The following SORCS2 variants were observed in gnomAD, a reference collection of about 807,000 sequenced individuals.
SORCS2 encodes sortilin related VPS10 domain containing receptor 2, also known as VPS10 domain-containing receptor SorCS2.
Under a neutral mutation model 141.6 loss-of-function variants are expected in SORCS2, and 100 were observed. The ratio of observed to expected loss-of-function variants is 0.71; its 90% CI spans 0.60 to 0.83. SORCS2 has a LOEUF of 0.83. Ranked by LOEUF, SORCS2 falls within the 40% of genes least tolerant of loss-of-function variation. SORCS2 has a pLI of 0.00. For synonymous variants in SORCS2, 789 were observed against 676.9 expected (o/e 1.17, Z -2.57); for missense variants, 1,646 against 1,560.2 (o/e 1.05, Z -0.93).
intron 8 of SORCS2, among the ~76,000 whole-genome samples, chr4:7,669,742 C>T (rs947110120): frequency 5.3e-5 from 8 of 152,212 alleles, no homozygotes; most frequent in African/African-American, 2.4e-5. Context: ...AATGTCTTCT[C>T]CCCCAGTTCT....
intron 2 of SORCS2, among the ~76,000 whole-genome samples, chr4:7,530,225 C>A (rs1420130610): frequency 6.6e-6 from 1 of 152,236 alleles, no homozygotes; most frequent in African/African-American, 2.4e-5. Context: ...CCAGGCCTGT[C>A]CCCTCGGCCC....
chr4:7,729,894 C>T (rs779815347), intron 23 of SORCS2, among the ~76,000 whole-genome samples, 182 bp downstream of exon 23: 1 of 152,166 alleles, frequency 6.6e-6, no homozygotes, highest in Admixed American at 6.5e-5. Context: ...GGAAGTCACA[C>T]AGCCTCTAAG....
chr4:7,411,426 C>G (rs888377722), intron 2 of SORCS2, among the ~76,000 whole-genome samples: 1 of 152,052 alleles, frequency 6.6e-6, no homozygotes, highest in African/African-American at 2.4e-5. Context: ...TATCCATCCA[C>G]CTATCTGATC....
chr4:7,215,609 G>A (rs903933446), intron 1 of SORCS2, among the ~76,000 whole-genome samples: 8 of 152,218 alleles, frequency 5.3e-5, no homozygotes, highest in South Asian at 4.1e-4. Flanking sequence ...TGGTGGGGAC[G>A]TGGAGAATCT....
intron 3 of SORCS2, among the ~76,000 whole-genome samples, chr4:7,549,299 A>G (rs1293023309): frequency 3.3e-5 from 5 of 152,070 alleles, no homozygotes; most frequent in Non-Finnish European, 7.4e-5. Context: ...CAGCAAGTCT[A>G]TCGATTTGAA....
rs1003234162 is a variant in SORCS2 at position 7,663,687 on chromosome 4, C to T, written c.953-666C>T. Among the ~76,000 whole-genome samples the T allele has an allele frequency of 2.6e-5, 4 of 152,112 alleles. No homozygotes were observed. Among genetic ancestry groups the T allele is most frequent in the Admixed American group, 6.5e-5 (1 of 15,274 alleles). On this transcript the variant is annotated intron_variant, in intron 6 of 26. Coordinates refer to ENST00000507866, the MANE Select transcript of SORCS2 (RefSeq NM_020777.3). The surrounding 1 kb of genome is among the most constrained non-coding windows in gnomAD (Gnocchi z 4.8). Reference sequence around the variant, plus strand: ...TTCCCTTAACCATTCTCCATGCTGCCGGGTCACCCAAGGCTGGGGGCAGGA... The same window carrying T: ...TTCCCTTAACCATTCTCCATGCTGCTGGGTCACCCAAGGCTGGGGGCAGGA...
chr4:7,391,393 GC>G (rs1723855028), intron 1 of SORCS2, among the ~76,000 whole-genome samples: 1 of 152,220 alleles, frequency 6.6e-6, no homozygotes, highest in Non-Finnish European at 1.5e-5. Context: ...TTGAGACGTA[GC>G]CCAGGCCCCT....
At chr4:7,584,814 A>G (rs577553984) in intron 3 of SORCS2, among the ~76,000 whole-genome samples, 2 of 152,354 alleles carry the variant, frequency 1.3e-5, no homozygotes, top group Non-Finnish European at 2.9e-5. Context: ...AAAGTGAAAT[A>G]AATGCTCCCA....
At chr4:7,315,497 A>C (rs1401722402) in intron 1 of SORCS2, among the ~76,000 whole-genome samples, 3 of 151,896 alleles carry the variant, frequency 2.0e-5, no homozygotes, top group African/African-American at 7.3e-5. Flanking sequence ...GGTGGAGGAG[A>C]GGGACACCAC....
rs77824073 is a variant in SORCS2 at position 7,530,673 on chromosome 4, G to A, written c.549-857G>A. ...AGAGGTGTTGGTTTCAGGATCTCTG[G>A]GACTTAATCTTCAATGGAGAATTAA... On this transcript the variant is annotated intron_variant, in intron 2 of 26. Coordinates refer to ENST00000507866, the MANE Select transcript of SORCS2 (RefSeq NM_020777.3). Among the ~76,000 whole-genome samples, 20 of 152,290 alleles carry A rather than the reference G, an allele frequency of 1.3e-4. No individual in the cohort carries two copies. In the East Asian group the frequency reaches 3.7e-3, roughly 28 times the overall value.
chr4:7,331,737 C>T (rs1719666261), intron 1 of SORCS2, among the ~76,000 whole-genome samples: 1 of 152,198 alleles, frequency 6.6e-6, no homozygotes, highest in South Asian at 2.1e-4. Flanking sequence ...CCCCAGGTGG[C>T]TGACGAAGCG....
At chr4:7,655,545 G>A (rs1346909261) in intron 5 of SORCS2, among the ~76,000 whole-genome samples, 1 of 152,254 alleles carries the variant, frequency 6.6e-6, no homozygotes, top group African/African-American at 2.4e-5. Context: ...CCACCCCACA[G>A]GCTGAAGGAA....
chr4:7,446,713 G>C (rs1553865000), intron 2 of SORCS2, among the ~76,000 whole-genome samples: 3 of 152,168 alleles, frequency 2.0e-5, no homozygotes, highest in Non-Finnish European at 4.4e-5. Context: ...CATACAAGGG[G>C]GTGCACCCTA....
At chr4:7,509,424 C>G (rs1732475959) in intron 2 of SORCS2, among the ~76,000 whole-genome samples, 1 of 152,208 alleles carries the variant, frequency 6.6e-6, no homozygotes, top group Admixed American at 6.5e-5. Flanking sequence ...AAGTGCTCAG[C>G]AGGCCGGAGC....
At chr4:7,520,043 T>C (rs961521391) in intron 2 of SORCS2, among the ~76,000 whole-genome samples, 1 of 152,194 alleles carries the variant, frequency 6.6e-6, no homozygotes, top group African/African-American at 2.4e-5. Context: ...CGGGTCAGCC[T>C]GGAGGAGGAG....
intron 2 of SORCS2, among the ~76,000 whole-genome samples, chr4:7,407,689 T>G (rs1458936563): frequency 2.0e-5 from 3 of 152,164 alleles, no homozygotes; most frequent in Non-Finnish European, 4.4e-5. Flanking sequence ...GTACTATTAT[T>G]CATAAGTAAG....
In SORCS2 at chr4:7,708,754, G is replaced by A. The variant is rs75159563; in HGVS notation, c.1869-3979G>A. On this transcript the variant is annotated intron_variant, in intron 14 of 26. Transcript: ENST00000507866. ...TCAGGCCATTCTCATAAGAAATGTA[G>A]ACAGATTGATTTATTCCTCCGTTTT... Among the ~76,000 whole-genome samples the A allele has an allele frequency of 1.4e-4, 21 of 152,322 alleles. No homozygotes were observed. The East Asian group carries it at 4.1e-3, about 29-fold the overall frequency.
intron 3 of SORCS2, among the ~76,000 whole-genome samples, chr4:7,628,096 G>A (rs1471209145): frequency 1.3e-5 from 2 of 152,346 alleles, no homozygotes; most frequent in East Asian, 3.9e-4. Flanking sequence ...TGGGGGTAGA[G>A]TCTAAGGGAG....
At chr4:7,532,643 C>T (rs146358775) in intron 3 of SORCS2, among the ~76,000 whole-genome samples, 8 of 152,098 alleles carry the variant, frequency 5.3e-5, no homozygotes, top group African/African-American at 1.7e-4. Context: ...AGGAGCTGGG[C>T]GCACTGGAGC....
Sources: allele counts gnomAD v4.1 joint callset (sites outside exome capture counted in the v4.1 genomes callset), GRCh38; gene constraint gnomAD v4.1.1; non-coding constraint Gnocchi (gnomAD v3.1); transcripts MANE v1.5; gene names NCBI Gene and HGNC (gene_info 2026-07-23, HGNC 2026-07-21).